The following AP3B1 variants were observed in gnomAD, a reference collection of about 807,000 sequenced individuals.
AP3B1 encodes the protein AP-3 complex subunit beta-1.
In AP3B1, 61 loss-of-function variants were observed where a neutral mutation model predicts 132.5. The ratio of observed to expected loss-of-function variants is 0.46; its 90% CI spans 0.37 to 0.57. AP3B1 has a LOEUF of 0.57. Among genes scored for constraint, AP3B1 ranks in the 20% least tolerant of loss-of-function variants. The pLI, the probability that AP3B1 is intolerant of heterozygous loss-of-function variation, is 0.00. For missense variants in AP3B1, 1,120 were observed against 1,289.4 expected (o/e 0.87, Z 2.01); for synonymous variants, 388 against 438.3 (o/e 0.89, Z 1.43).
At chr5:78,210,423 A>G (rs899648968) in intron 7 of AP3B1, among the ~76,000 whole-genome samples, 1 of 152,140 alleles carries the variant, frequency 6.6e-6, no homozygotes, top group Non-Finnish European at 1.5e-5. Context: ...TTAAGAACTT[A>G]CCTTAAAAAT....
chr5:78,191,623 T>C (rs1204850783), intron 7 of AP3B1, among the ~76,000 whole-genome samples: 1 of 152,108 alleles, frequency 6.6e-6, no homozygotes, highest in African/African-American at 2.4e-5. Context: ...CTCAAGATTG[T>C]TGAATCCATT....
At chr5:78,236,980 A>G (rs1746905201) in intron 3 of AP3B1, among the ~76,000 whole-genome samples, 1 of 152,226 alleles carries the variant, frequency 6.6e-6, no homozygotes, top group Non-Finnish European at 1.5e-5. Context: ...TAAATTAATC[A>G]TAAGTAAAAT....
At chr5:78,001,230 A>G (rs866903976), downstream of AP3B1, 1 of 152,232 alleles carries the variant, frequency 6.6e-6, no homozygotes, top group East Asian at 1.9e-4. Context: ...TCTTCCTCAG[A>G]AAACAGGTAT....
intron 15 of AP3B1, 132 bp from the exon 16 acceptor site, chr5:78,129,439 C>T: frequency 1.2e-6 from 1 of 805,324 alleles, no homozygotes; most frequent in African/African-American, 1.7e-5. Flanking sequence ...AGGGAATACA[C>T]ATTTCTAATG....
Position 78,156,166 on chromosome 5 carries a change from C to T in AP3B1, c.1473+92G>A. 3 of 906,394 alleles carry T rather than the reference C, an allele frequency of 3.3e-6. No homozygotes were observed. In the South Asian group the frequency reaches 4.1e-5, roughly 12 times the overall value. 56.1% of individuals were successfully genotyped at this position (906,394 alleles called of 1,614,324 possible). ...ATTGGAATCCAGACACTTCAGCTCT[C>T]CTAACCATTACCCTTTAGGCTGACC... On this transcript the variant is annotated intron_variant, in intron 14 of 26. Coordinates refer to ENST00000255194, the MANE Select transcript of AP3B1 (RefSeq NM_003664.5).
intron 17 of AP3B1, among the ~76,000 whole-genome samples, chr5:78,123,147 T>G (rs1207765078): frequency 1.3e-5 from 2 of 152,214 alleles, no homozygotes; most frequent in Non-Finnish European, 2.9e-5. Context: ...TAGCCAGATG[T>G]AGAAAGCTGA....
intron 2 of AP3B1, among the ~76,000 whole-genome samples, chr5:78,249,112 T>C (rs1440374964): frequency 1.3e-5 from 2 of 152,044 alleles, no homozygotes; most frequent in Admixed American, 6.6e-5. Flanking sequence ...CCCAGCACTT[T>C]GGGAGGCTGA....
chr5:78,055,256 T>C (rs914885591), intron 22 of AP3B1, among the ~76,000 whole-genome samples: 12 of 152,210 alleles, frequency 7.9e-5, no homozygotes, highest in African/African-American at 2.4e-4. Context: ...TGGCCAGGTC[T>C]TCTCAGGCTA....
intron 20 of AP3B1, among the ~76,000 whole-genome samples, chr5:78,107,070 A>C (rs1269867820): frequency 6.6e-6 from 1 of 152,236 alleles, no homozygotes; most frequent in African/African-American, 2.4e-5. Flanking sequence ...AGAAAAATTC[A>C]TTCACATCAA....
At chr5:78,004,052 A>G (rs576012607) in intron 26 of AP3B1, among the ~76,000 whole-genome samples, 1 of 152,274 alleles carries the variant, frequency 6.6e-6, no homozygotes, top group Admixed American at 6.5e-5. Flanking sequence ...TTTTGAAAAC[A>G]CTAACAAGTG....
At chr5:78,182,390 G>A (rs1744409470) in intron 7 of AP3B1, among the ~76,000 whole-genome samples, 1 of 152,202 alleles carries the variant, frequency 6.6e-6, no homozygotes, top group African/African-American at 2.4e-5. Context: ...AGATGGAGTA[G>A]ATGTACTTTT....
intron 7 of AP3B1, among the ~76,000 whole-genome samples, chr5:78,207,731 T>A (rs1375203947): frequency 6.6e-6 from 1 of 152,050 alleles, no homozygotes; most frequent in Non-Finnish European, 1.5e-5. Flanking sequence ...TCAAGTCACC[T>A]GCAAAGGAGA....
intron 1 of AP3B1, among the ~76,000 whole-genome samples, chr5:78,274,255 T>C (rs1283664048): frequency 6.6e-6 from 1 of 151,346 alleles, no homozygotes; most frequent in Non-Finnish European, 1.5e-5. Flanking sequence ...AATTAAGAAC[T>C]CATTAGATAG....
At chr5:78,163,083 C>A in intron 12 of AP3B1, 132 bp from the exon 13 acceptor site, 3 of 825,658 alleles carry the variant, frequency 3.6e-6, no homozygotes, top group South Asian at 1.5e-5. Flanking sequence ...ATATGAGGAC[C>A]AAGTGATGAT....
At chr5:78,168,584 C>A (rs1300301216) in intron 11 of AP3B1, among the ~76,000 whole-genome samples, 2 of 152,148 alleles carry the variant, frequency 1.3e-5, no homozygotes, top group Admixed American at 6.5e-5. Flanking sequence ...GTACAAAGAA[C>A]TGTTGCTGTT....
chr5:78,267,742 G>C (rs1748386872), intron 1 of AP3B1, 147 bp from the exon 2 acceptor site: 1 of 532,226 alleles, frequency 1.9e-6, no homozygotes. Flanking sequence ...AGGCCAGAGA[G>C]AAAGGCCTCA....
intron 11 of AP3B1, among the ~76,000 whole-genome samples, chr5:78,171,762 C>A (rs1201935799): frequency 6.6e-6 from 1 of 152,200 alleles, no homozygotes; most frequent in East Asian, 1.9e-4. Context: ...CTGGCCAGAA[C>A]TGCCAACACC....
intron 14 of AP3B1, among the ~76,000 whole-genome samples, chr5:78,144,113 C>T (rs1302784667): frequency 1.3e-5 from 2 of 152,072 alleles, no homozygotes; most frequent in Non-Finnish European, 2.9e-5. Context: ...CACACACAGA[C>T]ACAGACACAG....
intron 7 of AP3B1, among the ~76,000 whole-genome samples, chr5:78,188,105 T>C (rs1284564296): frequency 6.6e-6 from 1 of 152,154 alleles, no homozygotes; most frequent in Non-Finnish European, 1.5e-5. Context: ...AAGACTTAAA[T>C]GTAAAACCCA....
Sources: gnomAD v4.1 joint callset for allele counts (sites outside exome capture counted in the v4.1 genomes callset) on GRCh38, gnomAD v4.1.1 for gene constraint, MANE v1.5 for transcripts, NCBI Gene and HGNC (gene_info 2026-07-23, HGNC 2026-07-21) for gene names.